KLHL29: variants seen among roughly 807,000 people sequenced by gnomAD.
KLHL29 encodes the protein kelch-like protein 29.
In KLHL29, 21 loss-of-function variants were observed where a neutral mutation model predicts 80.4. The observed-to-expected ratio is 0.26, with a 90% CI of 0.19 to 0.38. KLHL29 has a LOEUF of 0.38. Ranked by LOEUF, KLHL29 falls within the 10% of genes least tolerant of loss-of-function variation. The pLI is 1.00. For synonymous variants in KLHL29, 511 were observed against 526.8 expected, an observed-to-expected ratio of 0.97 and a Z score of 0.41; for missense variants, 867 against 1,223.9, an observed-to-expected ratio of 0.71 and a Z score of 4.35.
chr2:23,700,836 G>A lies in KLHL29; in HGVS notation c.2106-2350G>A, dbSNP rs956403206. Among the ~76,000 whole-genome samples, 2 of 152,050 alleles carry A rather than the reference G, an allele frequency of 1.3e-5. No individual in the cohort carries two copies. Among genetic ancestry groups the A allele is most frequent in the African/African-American group, 4.8e-5 (2 of 41,404 alleles). ...CCATCCTTGAAGCCCTCACCTTCAG[G>A]GGCACAGCCACTCACTCGCTGTTGG... On this transcript the variant is annotated intron_variant, in intron 11 of 13. Coordinates refer to ENST00000486442, the MANE Select transcript of KLHL29 (RefSeq NM_052920.2). The surrounding 1 kb of genome is among the most constrained non-coding windows in gnomAD (Gnocchi z 4.6).
At chr2:23,670,816 G>A (rs1207333778) in intron 5 of KLHL29, among the ~76,000 whole-genome samples, 2 of 151,870 alleles carry the variant, frequency 1.3e-5, no homozygotes, top group African/African-American at 4.8e-5. Context: ...TGGGCCCAGA[G>A]AACCAGGGGC....
intron 13 of KLHL29, among the ~76,000 whole-genome samples, chr2:23,705,738 C>G (rs1346474134): frequency 5.1e-4 from 77 of 152,232 alleles, no homozygotes; most frequent in Non-Finnish European, 8.8e-5. Flanking sequence ...AGGGAATAGC[C>G]AGGAAGAAAT....
chr2:23,554,317 G>A lies in KLHL29; in HGVS notation c.-45-7835G>A, dbSNP rs532919799. ...AAGACAAGCACAGACTGTTCCAATCGACTTGGCAGCACGTCTCCCCCAAAT... is the reference window on the plus strand; with the variant it reads ...AAGACAAGCACAGACTGTTCCAATCAACTTGGCAGCACGTCTCCCCCAAAT... On this transcript the variant is annotated intron_variant, in intron 2 of 13. Transcript: ENST00000486442. Among the ~76,000 whole-genome samples the A allele has an allele frequency of 2.0e-5, 3 of 152,324 alleles. No homozygotes were observed. In the East Asian group the frequency reaches 5.8e-4, roughly 29 times the overall value.
At chr2:23,476,804 G>A (rs1156403145) in intron 2 of KLHL29, among the ~76,000 whole-genome samples, 1 of 152,258 alleles carries the variant, frequency 6.6e-6, no homozygotes, top group African/African-American at 2.4e-5. Context: ...GGATCAGGCA[G>A]CCAGAAATGC....
rs1670194555 is a variant in KLHL29 at position 23,654,776 on chromosome 2, G to C, written c.940+11926G>C. On this transcript the variant is annotated intron_variant, in intron 5 of 13. Transcript: ENST00000486442. Reference sequence around the variant, plus strand: ...TTCACCCCGTATTTATGTATTCCTTGCATCTGCCCTGAGAGGCAGAGTCAT... The same window carrying C: ...TTCACCCCGTATTTATGTATTCCTTCCATCTGCCCTGAGAGGCAGAGTCAT... 2.0e-5 allele frequency among the ~76,000 whole-genome samples: 3 copies of C among 149,722 alleles called. No homozygotes were observed. In the Admixed American group the frequency reaches 2.1e-4, roughly 10 times the overall value.
intron 2 of KLHL29, among the ~76,000 whole-genome samples, chr2:23,525,737 C>CA (rs1368566285): frequency 3.6e-5 from 1 of 28,134 alleles, no homozygotes; most frequent in Non-Finnish European, 7.9e-5. Flanking sequence ...CCCCCCCCCC[C>CA]CACCCGAGGC....
rs1381351146 is a variant in KLHL29 at position 23,696,289 on chromosome 2, C to G, written c.1925-44C>G. The G allele has an allele frequency of 6.5e-7, 1 of 1,541,366 alleles. No homozygotes were observed. The highest frequency in any genetic ancestry group is 2.0e-5 in the Admixed American group (1 of 50,862). The stretch of plus-strand genomic sequence containing the variant: ...GGCTGGGCCTGCTGACCCCAGGCCC[C>G]TCCTCACCCCGCCCGCTCTCTCTGC... On this transcript the variant is annotated intron_variant, in intron 10 of 13. Coordinates refer to ENST00000486442, the MANE Select transcript of KLHL29 (RefSeq NM_052920.2). The surrounding 1 kb of genome is among the most constrained non-coding windows in gnomAD (Gnocchi z 5.5).
At chr2:23,670,258 G>C (rs1290362548) in intron 5 of KLHL29, 1 of 152,314 alleles carries the variant, frequency 6.6e-6, no homozygotes, top group Non-Finnish European at 1.5e-5. Flanking sequence ...GATTGGCCTG[G>C]GACGCAGGGA....
In KLHL29 at chr2:23,479,640, TG is replaced by T. The variant is rs563174933; in HGVS notation, c.-46+3974del. 1.6e-3 allele frequency among the ~76,000 whole-genome samples: 251 copies of T among 152,310 alleles called. 2 individuals carry two copies. The highest frequency in any genetic ancestry group is 3.7e-3 in the South Asian group (18 of 4,820). On this transcript the variant is annotated intron_variant, in intron 2 of 13. Coordinates refer to ENST00000486442, the MANE Select transcript of KLHL29 (RefSeq NM_052920.2). Reference sequence around the variant, plus strand: ...TCCGGACCATTTCTCCAGTGGCTCATGCGTAGCAGATCCCTGCTGTCTGATT... The same window carrying T: ...TCCGGACCATTTCTCCAGTGGCTCATCGTAGCAGATCCCTGCTGTCTGATT...
intron 2 of KLHL29, among the ~76,000 whole-genome samples, chr2:23,486,181 A>C (rs544496961): frequency 6.6e-6 from 1 of 152,278 alleles, no homozygotes; most frequent in Admixed American, 6.5e-5. Context: ...AGGCCACAGC[A>C]GAGGGTCCTG....
intron 1 of KLHL29, among the ~76,000 whole-genome samples, chr2:23,404,318 A>T (rs1180821620): frequency 1.3e-5 from 2 of 152,224 alleles, no homozygotes; most frequent in African/African-American, 2.4e-5. Context: ...AAATTTAGAA[A>T]GGAGAATAAT....
intron 6 of KLHL29, among the ~76,000 whole-genome samples, chr2:23,685,680 A>C (rs539793885): frequency 6.6e-6 from 1 of 152,194 alleles, no homozygotes; most frequent in South Asian, 2.1e-4. Flanking sequence ...TTCCCATCTC[A>C]TGGACACCTC....
chr2:23,523,042 A>G (rs11901969), intron 2 of KLHL29, among the ~76,000 whole-genome samples: 5,000 of 142,408 alleles, frequency 0.035, 272 homozygotes, highest in African/African-American at 0.12. Context: ...GGTTACGGGC[A>G]TTTAGTGGGG....
intron 3 of KLHL29, among the ~76,000 whole-genome samples, chr2:23,594,295 T>G (rs73919775): frequency 0.013 from 1,903 of 152,170 alleles, 41 homozygotes; most frequent in African/African-American, 0.044. Context: ...GGTGTCACCA[T>G]CTGGAACCAA....
chr2:23,639,242 A>C lies in KLHL29; in HGVS notation c.389A>C (p.Glu130Ala). 1 of 1,548,966 alleles carries C rather than the reference A, an allele frequency of 6.5e-7. No individual in the cohort carries two copies. The highest frequency in any genetic ancestry group is 8.7e-7 in the Non-Finnish European group (1 of 1,145,796). The change falls in exon 4 of 14, where the codon GAG (glutamate) becomes GCG (alanine). Residue 130 changes from glutamate (E) to alanine (A), a missense_variant. By Grantham distance (107) the Glu-to-Ala change is moderately radical. This residue lies in a region of KLHL29 where 424 missense variants were observed against 456.9 expected (regional missense o/e 0.93). Coordinates refer to ENST00000486442, the MANE Select transcript of KLHL29 (RefSeq NM_052920.2). ...INQSTPWDTD[E>A]PPSKQMRESD... ...CAGTCCACACCCTGGGACACTGATGAGCCACCCTCCAAACAGATGAGAGAG... is the reference window on the plus strand; with the variant it reads ...CAGTCCACACCCTGGGACACTGATGCGCCACCCTCCAAACAGATGAGAGAG...
chr2:23,679,439 G>C (rs1166524570), intron 5 of KLHL29, among the ~76,000 whole-genome samples: 2 of 152,210 alleles, frequency 1.3e-5, no homozygotes, highest in Admixed American at 1.3e-4. Flanking sequence ...GAGAGTGAGT[G>C]AAAGTGAGCA....
chr2:23,643,062 T>TG, intron 5 of KLHL29: 1 of 704,354 alleles, frequency 1.4e-6, no homozygotes, highest in Non-Finnish European at 2.6e-6. Flanking sequence ...ACAAACAAAG[T>TG]GGGAAAATGC....
At chr2:23,416,811 A>C (rs377427632) in intron 1 of KLHL29, among the ~76,000 whole-genome samples, 54 of 152,230 alleles carry the variant, frequency 3.5e-4, no homozygotes, top group African/African-American at 1.3e-3. Flanking sequence ...TTCTCTCTTC[A>C]GTATTGTTAT....
In KLHL29 at chr2:23,703,282, G is replaced by A. The variant is rs1672508657; in HGVS notation, c.2202G>A (p.Val734=). The A allele has an allele frequency of 6.5e-7, 1 of 1,549,508 alleles. No individual in the cohort carries two copies. The highest frequency in any genetic ancestry group is 1.4e-5 in the African/African-American group (1 of 73,110). Residue 734 remains valine (V), a synonymous_variant, in exon 12 of 14, where the codon GTG becomes GTA. Coordinates refer to ENST00000486442, the MANE Select transcript of KLHL29 (RefSeq NM_052920.2). ...AATVCGGKIY[V]FGGVNEAGRA... is the part of the protein sequence containing the mutation. ...CAGTGTGTGGCGGCAAGATCTACGT[G>A]TTTGGTGGGGTGAACGAGGCAGGCC...
Sources: allele counts gnomAD v4.1 joint callset (sites outside exome capture counted in the v4.1 genomes callset), GRCh38; gene constraint gnomAD v4.1.1; regional missense constraint gnomAD v4.1.1; non-coding constraint Gnocchi (gnomAD v3.1); transcripts MANE v1.5; gene names NCBI Gene and HGNC (gene_info 2026-07-23, HGNC 2026-07-21).